The following ERG variants were observed in gnomAD, a reference collection of about 807,000 sequenced individuals.
The protein encoded by ERG is transcriptional regulator ERG.
In ERG, 9 loss-of-function variants were observed where a neutral mutation model predicts 55.3. That is an observed-to-expected ratio of 0.16 (90% CI 0.10 to 0.28). The LOEUF is 0.28. Ranked by LOEUF, ERG falls within the 10% of genes least tolerant of loss-of-function variation. ERG has a pLI of 1.00. For missense variants in ERG, 434 were observed against 631.6 expected, an observed-to-expected ratio of 0.69 and a Z score of 3.35; for synonymous variants, 223 against 237.3, an observed-to-expected ratio of 0.94 and a Z score of 0.55.
At chr21:38,439,876 T>C (rs1017897911) in intron 2 of ERG, among the ~76,000 whole-genome samples, 3 of 152,240 alleles carry the variant, frequency 2.0e-5, no homozygotes, top group Non-Finnish European at 4.4e-5. Flanking sequence ...AAGTCCTTCC[T>C]TTCTCTCAAA....
At chr21:38,552,911 C>A (rs2059833676) in intron 2 of ERG, among the ~76,000 whole-genome samples, 1 of 151,618 alleles carries the variant, frequency 6.6e-6, no homozygotes, top group Non-Finnish European at 1.5e-5. Context: ...TATCTCTCTT[C>A]ACAGAGGACG....
rs565193149 is a variant in ERG at position 38,631,541 on chromosome 21, G to A, written c.-150+30117C>T. 3.9e-5 allele frequency among the ~76,000 whole-genome samples: 6 copies of A among 152,244 alleles called. No individual in the cohort carries two copies. In the South Asian group the frequency reaches 8.3e-4, roughly 21 times the overall value. On this transcript the variant is annotated intron_variant, in intron 1 of 10. Transcript: ENST00000398910. ...CTGGGAAGATTTTTATAGCCTTCCC[G>A]TCCTTTAAGGGATGGCGTGGTCCCA...
intron 2 of ERG, among the ~76,000 whole-genome samples, chr21:38,558,622 C>A (rs2059872931): frequency 6.6e-6 from 1 of 152,216 alleles, no homozygotes. Context: ...GTTGCCACAA[C>A]ATTCCTACAA....
intron 2 of ERG, among the ~76,000 whole-genome samples, chr21:38,547,336 G>A (rs1276885106): frequency 6.6e-6 from 1 of 152,184 alleles, no homozygotes; most frequent in Non-Finnish European, 1.5e-5. Context: ...ATTCTGTGTT[G>A]CTCAACAAGA....
At chr21:38,527,769 A>G (rs1568884809) in intron 2 of ERG, among the ~76,000 whole-genome samples, 1 of 152,176 alleles carries the variant, frequency 6.6e-6, no homozygotes, top group East Asian at 1.9e-4. Context: ...CTGAACAACT[A>G]CCCTGGTTAA....
intron 2 of ERG, among the ~76,000 whole-genome samples, chr21:38,437,340 TGGGG>T (rs2058800346): frequency 6.9e-6 from 1 of 145,590 alleles, no homozygotes; most frequent in Non-Finnish European, 1.5e-5. Context: ...CAGGTGGGGG[TGGGG>T]GCTGCAGGGG....
chr21:38,550,247 C>CCAGAAGGA (rs2059815536), intron 2 of ERG, among the ~76,000 whole-genome samples: 1 of 152,084 alleles, frequency 6.6e-6, no homozygotes, highest in African/African-American at 2.4e-5. Context: ...GCCCTCACAC[C>CCAGAAGGA]CAGAAGGAGT....
chr21:38,415,319 T>G (rs1170645295), intron 3 of ERG, among the ~76,000 whole-genome samples: 7 of 152,224 alleles, frequency 4.6e-5, no homozygotes, highest in Non-Finnish European at 7.3e-5. Context: ...TTCTACAAAG[T>G]GCATGTCCAA....
intron 1 of ERG, among the ~76,000 whole-genome samples, chr21:38,648,342 T>C (rs966516642): frequency 1.3e-5 from 2 of 152,204 alleles, no homozygotes; most frequent in African/African-American, 4.8e-5. Context: ...TCCTGACCAG[T>C]GCCGTCCTGA....
chr21:38,382,659 G>T lies in ERG; in HGVS notation c.*744C>A. ...CATTGCTTGAGAAGTTTCTTTCCCA[G>T]CCCTGGTCTCCTCCTTCTCTGCCTC... On this transcript the variant is annotated 3_prime_UTR_variant, in exon 10 of 10. Coordinates refer to ENST00000288319, the MANE Select transcript of ERG (RefSeq NM_182918.4). 1 of 1,066,972 alleles carries T rather than the reference G, an allele frequency of 9.4e-7. No homozygotes were observed. The highest frequency in any genetic ancestry group is 1.1e-6 in the Non-Finnish European group (1 of 880,164). 66.1% of individuals were successfully genotyped at this position (1,066,972 alleles called of 1,614,324 possible).
At chr21:38,438,320 A>G (rs1451546831) in intron 2 of ERG, among the ~76,000 whole-genome samples, 1 of 152,176 alleles carries the variant, frequency 6.6e-6, no homozygotes, top group East Asian at 1.9e-4. Flanking sequence ...TGTCATGACC[A>G]TCTTCACTGC....
chr21:38,445,474 A>C lies in ERG; in HGVS notation c.166T>G (p.Trp56Gly). Reference sequence around the variant, plus strand: ...ACCCTGGCTGGGGGTTGAGACAGCCAATCCTGCTGAGGGACGCGTGGGCTC... The same window carrying C: ...ACCCTGGCTGGGGGTTGAGACAGCCCATCCTGCTGAGGGACGCGTGGGCTC... Reference protein sequence around the residue: ...KMSPRVPQQDWLSQPPARVTI... With the variant: ...KMSPRVPQQDGLSQPPARVTI... Residue 56 changes from tryptophan (W) to glycine (G), a missense_variant, in exon 2 of 10, where the codon TGG (tryptophan) becomes GGG (glycine). Physicochemically the swap from Trp to Gly is radical, Grantham distance 184. Around this residue, in one of 5 missense-constraint regions of ERG, gnomAD observed 212 missense variants for 262.9 expected, o/e 0.81. Transcript: ENST00000288319. The C allele has an allele frequency of 6.2e-7, 1 of 1,614,158 alleles. No individual in the cohort carries two copies. Among genetic ancestry groups the C allele is most frequent in the Non-Finnish European group, 8.5e-7 (1 of 1,180,016 alleles).
chr21:38,621,246 G>A (rs1189072552), intron 1 of ERG, among the ~76,000 whole-genome samples: 1 of 151,824 alleles, frequency 6.6e-6, no homozygotes, highest in Non-Finnish European at 1.5e-5. Context: ...CAACTCTTAT[G>A]TCCTACCTCC....
chr21:38,643,782 C>G (rs997980405), intron 1 of ERG, among the ~76,000 whole-genome samples: 2 of 152,150 alleles, frequency 1.3e-5, no homozygotes, highest in Admixed American at 1.3e-4. Flanking sequence ...AATTGAAGTG[C>G]ATGTTTCTGT....
At chr21:38,398,733 A>G (rs1287900928) in intron 6 of ERG, among the ~76,000 whole-genome samples, 1 of 152,162 alleles carries the variant, frequency 6.6e-6, no homozygotes, top group East Asian at 1.9e-4. Context: ...AAGCAGCTCC[A>G]GGACCCACTG....
At chr21:38,442,886 C>A (rs1239728791) in intron 2 of ERG, among the ~76,000 whole-genome samples, 1 of 152,190 alleles carries the variant, frequency 6.6e-6, no homozygotes, top group Non-Finnish European at 1.5e-5. Flanking sequence ...CGGCTCACTG[C>A]AAGCTCCGCC....
At chr21:38,414,150 G>C (rs987352096) in intron 3 of ERG, among the ~76,000 whole-genome samples, 3 of 152,260 alleles carry the variant, frequency 2.0e-5, no homozygotes, top group East Asian at 1.9e-4. Context: ...TCCAGCAATT[G>C]AATGTTCCAT....
chr21:38,382,398 A>G lies in ERG; in HGVS notation c.*1005T>C, dbSNP rs1987486952. On this transcript the variant is annotated 3_prime_UTR_variant, in exon 10 of 10. Coordinates refer to ENST00000288319, the MANE Select transcript of ERG (RefSeq NM_182918.4). ...ACCCTGTGGAGAACAAAGCCCCCACATAATGATGAGGTCCTGAATGTTTCT... is the reference window on the plus strand; with the variant it reads ...ACCCTGTGGAGAACAAAGCCCCCACGTAATGATGAGGTCCTGAATGTTTCT... 2 of 1,060,644 alleles carry G rather than the reference A, an allele frequency of 1.9e-6. No individual in the cohort carries two copies. The highest frequency in any genetic ancestry group is 1.6e-5 in the African/African-American group (1 of 60,850). 65.7% of individuals were successfully genotyped at this position (1,060,644 alleles called of 1,614,324 possible). A position where few individuals can be genotyped will look rare whatever the true frequency, so the allele number is the denominator to read the frequency against.
At chr21:38,655,940 C>G (rs1391945576) in intron 1 of ERG, among the ~76,000 whole-genome samples, 1 of 152,152 alleles carries the variant, frequency 6.6e-6, no homozygotes, top group Non-Finnish European at 1.5e-5. Context: ...AATCTGCCTG[C>G]CTTGGAAAAC....
Sources: allele counts gnomAD v4.1 joint callset (sites outside exome capture counted in the v4.1 genomes callset), GRCh38; gene constraint gnomAD v4.1.1; regional missense constraint gnomAD v4.1.1; transcripts MANE v1.5; gene names NCBI Gene and HGNC (gene_info 2026-07-23, HGNC 2026-07-21).